RANBP2: variants seen among roughly 807,000 people sequenced by gnomAD.
RANBP2 encodes the protein RAN binding protein 2, also known as E3 SUMO-protein ligase RanBP2.
RANBP2 carries 57 observed loss-of-function variants against 303.6 expected under a neutral mutation model. The observed-to-expected ratio is 0.19, with a 90% CI of 0.15 to 0.23. The LOEUF (loss-of-function observed/expected upper bound fraction) is 0.23. RANBP2 is among the 10% of genes least tolerant of loss of function. The pLI is 1.00. For missense variants in RANBP2, 3,138 were observed against 3,780.8 expected (o/e 0.83, Z 4.46); for synonymous variants, 1,167 against 1,301.5 (o/e 0.90, Z 2.23).
the RANBP2 span, among the ~76,000 whole-genome samples, chr2:109,489,463 C>T: frequency 1.3e-5 from 2 of 152,324 alleles, no homozygotes; most frequent in South Asian, 2.1e-4. Context: ...CATCAGGAAC[C>T]GTGTCACCTG....
At chr2:108,991,617 G>A in the RANBP2 span, among the ~76,000 whole-genome samples, 1 of 152,188 alleles carries the variant, frequency 6.6e-6, no homozygotes, top group African/African-American at 2.4e-5. Context: ...CTTATGGAGG[G>A]GCACAACAGG....
At chr2:108,759,030 C>CTA (rs1327794066) in intron 18 of RANBP2, among the ~76,000 whole-genome samples, 1 of 149,270 alleles carries the variant, frequency 6.7e-6, no homozygotes, top group Non-Finnish European at 1.5e-5. Context: ...CTATCACTTA[C>CTA]TATAATAGCT....
chr2:108,974,058 G>A, the RANBP2 span, among the ~76,000 whole-genome samples: 2,619 of 152,042 alleles, frequency 0.017, 71 homozygotes, highest in African/African-American at 0.058. Context: ...GGTCAGGCGC[G>A]GTGGCTCACG....
At chr2:108,857,981 AAATTTG>A in the RANBP2 span, among the ~76,000 whole-genome samples, 1 of 152,244 alleles carries the variant, frequency 6.6e-6, no homozygotes, top group Non-Finnish European at 1.5e-5. Flanking sequence ...CTGCAAATGC[AAATTTG>A]AATAAAGTCT....
chr2:109,449,399 C>T, the RANBP2 span: 54 of 1,613,012 alleles, frequency 3.3e-5, no homozygotes, highest in South Asian at 3.2e-4. Flanking sequence ...CAAACCTCAA[C>T]GGGGAGGCTG....
the RANBP2 span, among the ~76,000 whole-genome samples, chr2:109,175,897 A>AT: frequency 6.6e-6 from 1 of 152,118 alleles, no homozygotes; most frequent in South Asian, 2.1e-4. Context: ...GCACTAATTA[A>AT]TTTTTTTCCA....
At chr2:108,800,945 A>C in the RANBP2 span, among the ~76,000 whole-genome samples, 1 of 110,056 alleles carries the variant, frequency 9.1e-6, no homozygotes, top group Non-Finnish European at 1.9e-5. Context: ...TGTCCCTACA[A>C]AGGACATAAA....
chr2:109,536,987 CCTTT>C, the RANBP2 span, among the ~76,000 whole-genome samples: 3 of 152,330 alleles, frequency 2.0e-5, no homozygotes, highest in South Asian at 4.1e-4. Flanking sequence ...CCCAATTAAA[CCTTT>C]CTTTTGTAAA....
chr2:109,441,190 A>G, the RANBP2 span, among the ~76,000 whole-genome samples: 4 of 152,054 alleles, frequency 2.6e-5, no homozygotes, highest in East Asian at 1.9e-4. Flanking sequence ...CTGATGTCCA[A>G]TAAAAAATTA....
At chr2:108,930,213 T>C in the RANBP2 span, 33 of 1,614,012 alleles carry the variant, frequency 2.0e-5, no homozygotes, top group Non-Finnish European at 2.8e-5. Flanking sequence ...AGTTTGAGTA[T>C]TCCGCTCGGG....
the RANBP2 span, among the ~76,000 whole-genome samples, chr2:109,101,862 G>T: frequency 2.0e-5 from 3 of 152,098 alleles, no homozygotes; most frequent in Admixed American, 1.3e-4. Context: ...GGTGAGCCCA[G>T]TTTTATATCT....
chr2:109,130,240 T>G, the RANBP2 span: 4 of 914,566 alleles, frequency 4.4e-6, no homozygotes, highest in Non-Finnish European at 4.3e-6. Context: ...CACTCCGCTG[T>G]TGCTCTTCCT....
At chr2:108,787,412 G>C (rs888483816), downstream of RANBP2, among the ~76,000 whole-genome samples, 4 of 152,164 alleles carry the variant, frequency 2.6e-5, no homozygotes, top group East Asian at 7.7e-4. Context: ...ATTTGAGGGT[G>C]ATTTGCAGGC....
chr2:109,432,954 C>CT, the RANBP2 span, among the ~76,000 whole-genome samples: 1 of 152,250 alleles, frequency 6.6e-6, no homozygotes, highest in Non-Finnish European at 1.5e-5. Flanking sequence ...AATGAGGTCT[C>CT]AAGTGTGAAT....
chr2:109,002,423 T>G, the RANBP2 span, among the ~76,000 whole-genome samples: 2 of 152,232 alleles, frequency 1.3e-5, no homozygotes, highest in African/African-American at 4.8e-5. Flanking sequence ...TCCCAATGTC[T>G]CCTTGCTTCC....
chr2:109,349,744 C>A, the RANBP2 span, among the ~76,000 whole-genome samples: 1 of 152,356 alleles, frequency 6.6e-6, no homozygotes, highest in South Asian at 2.1e-4. Context: ...TGTCGCAGGG[C>A]CCTGGAGCCT....
chr2:108,931,048 C>T, the RANBP2 span: 86 of 1,612,628 alleles, frequency 5.3e-5, no homozygotes, highest in Middle Eastern at 6.6e-4. Flanking sequence ...AGACATGCGT[C>T]ATTAGCTGGG....
At chr2:109,011,584 G>A in the RANBP2 span, among the ~76,000 whole-genome samples, 41 of 152,082 alleles carry the variant, frequency 2.7e-4, no homozygotes, top group African/African-American at 9.4e-4. Context: ...TTTTATTGAC[G>A]AGATACCCAC....
At chr2:108,754,691 A>G (rs2019109) in intron 15 of RANBP2, among the ~76,000 whole-genome samples, 16 of 152,190 alleles carry the variant, frequency 1.1e-4, no homozygotes, top group East Asian at 1.9e-4. Context: ...GTTCATGAAG[A>G]AAAAAATATA....
Sources: gnomAD v4.1 joint callset for allele counts (sites outside exome capture counted in the v4.1 genomes callset) on GRCh38, gnomAD v4.1.1 for gene constraint, MANE v1.5 for transcripts, NCBI Gene and HGNC (gene_info 2026-07-23, HGNC 2026-07-21) for gene names.